SH3GLB2: variants seen among roughly 807,000 people sequenced by gnomAD.
SH3GLB2 encodes endophilin-B2.
Under a neutral mutation model 48.0 loss-of-function variants are expected in SH3GLB2, and 24 were observed. The ratio of observed to expected loss-of-function variants is 0.50; its 90% CI spans 0.36 to 0.70. The LOEUF (loss-of-function observed/expected upper bound fraction) is 0.70, where lower values mean the gene tolerates loss of function less well. Ranked by LOEUF, SH3GLB2 falls within the 30% of genes least tolerant of loss-of-function variation. SH3GLB2 has a pLI of 0.00. For missense variants in SH3GLB2, 425 were observed against 516.0 expected (o/e 0.82, Z 1.71); for synonymous variants, 227 against 207.6 (o/e 1.09, Z -0.80).
rs201553877 is a variant in SH3GLB2, at chr9:129,020,940, ACT to A, written c.334+149_334+150del. The A allele has an allele frequency of 1.2e-3, 1,210 of 979,446 alleles. 8 individuals carry two copies. In the East Asian group the frequency reaches 0.014, roughly 11 times the overall value. The allele number at this position is 979,446 out of a possible 1,614,324, so 60.7% of individuals were successfully genotyped here. On this transcript the variant is annotated intron_variant, in intron 3 of 10. Coordinates refer to ENST00000372564, the MANE Select transcript of SH3GLB2 (RefSeq NM_020145.4). ...TGGTTAAGAGAAGATTCCATTTTTT[ACT>A]CTTTTTTTCTGCGTAGAGTTTTTAC...
intron 3 of SH3GLB2, among the ~76,000 whole-genome samples, chr9:129,017,085 C>G (rs920747964): frequency 4.6e-5 from 7 of 151,424 alleles, no homozygotes; most frequent in African/African-American, 1.7e-4. Context: ...GTAGCTGGGA[C>G]TATAGGCGCG....
In SH3GLB2 at chr9:129,007,407, C is replaced by T. The variant is rs1222858871; in HGVS notation, c.*1277G>A. 6.6e-6 allele frequency: 1 copy of T among 152,232 alleles called. No individual in the cohort carries two copies. Among genetic ancestry groups the T allele is most frequent in the Non-Finnish European group, 1.5e-5 (1 of 68,086 alleles). The allele number at this position is 152,232 out of a possible 1,614,324, so 9.4% of individuals were successfully genotyped here. ...AGCTCTGTGCCTTCCTATTTATAGC[C>T]CCGTGCCCCCGTCATCCCCCGATCC... On this transcript the variant is annotated 3_prime_UTR_variant, in exon 11 of 11. Coordinates refer to ENST00000372564, the MANE Select transcript of SH3GLB2 (RefSeq NM_020145.4).
At position 129,009,832 on chromosome 9, in the gene SH3GLB2, G is replaced by A. The variant is rs1162446330; in HGVS notation, c.778C>T (p.Gln260Ter). The A allele has an allele frequency of 6.2e-7, 1 of 1,613,954 alleles. No homozygotes were observed. Among genetic ancestry groups the A allele is most frequent in the Non-Finnish European group, 8.5e-7 (1 of 1,179,986 alleles). The change falls in exon 9 of 11, where the codon CAG becomes TAG. Residue 260 changes from glutamine (Q) to a stop codon, truncating the protein, a stop_gained. Coordinates refer to ENST00000372564, the MANE Select transcript of SH3GLB2 (RefSeq NM_020145.4). LOFTEE classifies it high-confidence loss of function. ...LRCLHEFVKSQTTYYAQCYRH... is the reference protein window; with the variant it reads ...LRCLHEFVKS ...TAGCACTGTGCGTAGTAGGTTGTCT[G>A]AGACTTGACGAACTCGTGGAGGCAG...
chr9:129,013,077 C>A (rs1843217762), intron 5 of SH3GLB2: 1 of 1,548,426 alleles, frequency 6.5e-7, no homozygotes. Flanking sequence ...GTTAGTGAGT[C>A]CACAGCGCAG....
intron 3 of SH3GLB2, among the ~76,000 whole-genome samples, chr9:129,017,956 G>T (rs1280480779): frequency 1.3e-5 from 2 of 149,532 alleles, no homozygotes; most frequent in Middle Eastern, 3.5e-3. Flanking sequence ...GTGATGGTGC[G>T]TGCCTGTAAT....
chr9:129,010,641 C>G lies in SH3GLB2; in HGVS notation c.648+29G>C, dbSNP rs758942258. ...CTGCACCCCGCCACCCCTTCTTCCTCGAGCCCAGCCCCCCAGGCCCCAACT... is the reference window on the plus strand; with the variant it reads ...CTGCACCCCGCCACCCCTTCTTCCTGGAGCCCAGCCCCCCAGGCCCCAACT... On this transcript the variant is annotated intron_variant, in intron 7 of 10. Coordinates refer to ENST00000372564, the MANE Select transcript of SH3GLB2 (RefSeq NM_020145.4). 3.1e-6 allele frequency: 5 copies of G among 1,613,376 alleles called. No individual in the cohort carries two copies. In the Middle Eastern group the frequency reaches 6.6e-4, roughly 212 times the overall value.
At position 129,010,171 on chromosome 9, in the gene SH3GLB2, G is replaced by A; in HGVS notation, c.687C>T (p.Asp229=). The change falls in exon 8 of 11, where the codon GAC becomes GAT. Residue 229 remains aspartate, a synonymous_variant. Coordinates refer to ENST00000372564, the MANE Select transcript of SH3GLB2 (RefSeq NM_020145.4). ...QELRVAQTEF[D]RQAEVTRLLL... ...AGAGACGGGTCACTTCTGCTTGCCG[G>A]TCAAACTCTGTCTGGGCCACGCGGA... The A allele has an allele frequency of 1.2e-6, 2 of 1,614,036 alleles. No individual in the cohort carries two copies. Among genetic ancestry groups the A allele is most frequent in the Non-Finnish European group, 1.7e-6 (2 of 1,180,006 alleles).
At chr9:129,010,765 C>T (rs1843071921) in intron 6 of SH3GLB2, 72 bp from the exon 7 acceptor site, 2 of 1,583,326 alleles carry the variant, frequency 1.3e-6, no homozygotes, top group African/African-American at 1.3e-5. Context: ...GAGCCTGTGC[C>T]CTGCCCCAGC....
At position 129,009,356 on chromosome 9, in the gene SH3GLB2, A is replaced by C. The variant is rs1564574367; in HGVS notation, c.840-10T>G. On this transcript the variant is annotated splice_polypyrimidine_tract_variant and intron_variant, in intron 9 of 10. Transcript: ENST00000372564. Reference sequence around the variant, plus strand: ...GAAGGTGCCGGGAAATCTGGAGAGGAGGGATACATCTTAGCAGGTGGGAGT... The same window carrying C: ...GAAGGTGCCGGGAAATCTGGAGAGGCGGGATACATCTTAGCAGGTGGGAGT... 6.5e-7 allele frequency: 1 copy of C among 1,550,240 alleles called. No individual in the cohort carries two copies. The highest frequency in any genetic ancestry group is 2.0e-5 in the Admixed American group (1 of 50,910).
intron 8 of SH3GLB2, 88 bp from the exon 9 acceptor site, chr9:129,009,959 T>C: frequency 7.0e-7 from 1 of 1,418,794 alleles, no homozygotes; most frequent in Non-Finnish European, 9.8e-7. Context: ...TACCAGACCT[T>C]GCTCCGGCAT....
At chr9:129,026,557 C>G (rs551135119) in intron 1 of SH3GLB2, among the ~76,000 whole-genome samples, 8 of 152,170 alleles carry the variant, frequency 5.3e-5, no homozygotes, top group African/African-American at 1.9e-4. Context: ...CCTCCCACCC[C>G]GAGGCTGGGG....
Position 129,009,598 on chromosome 9 carries a change from G to A in SH3GLB2, c.839+173C>T, listed in dbSNP as rs529835258. 171 of 1,482,414 alleles carry A rather than the reference G, an allele frequency of 1.2e-4. No homozygotes were observed. The African/African-American group carries it at 2.1e-3, about 19-fold the overall frequency. The allele number at this position is 1,482,414 out of a possible 1,614,324, so 91.8% of individuals were successfully genotyped here. ...CTCCAGGGGACTTGGCCGTCAGTAA[G>A]GCCAGCCACTCCACCCTCATACACA... is the stretch of plus-strand genomic sequence containing the variant. On this transcript the variant is annotated intron_variant, in intron 9 of 10. Transcript: ENST00000372564.
At chr9:129,010,940 C>A in intron 6 of SH3GLB2, 2 of 568,714 alleles carry the variant, frequency 3.5e-6, no homozygotes, top group Non-Finnish European at 3.2e-6. Context: ...TTATATTTCT[C>A]CTACAGTGTC....
chr9:129,016,450 G>A (rs1843431279), intron 3 of SH3GLB2, among the ~76,000 whole-genome samples: 1 of 150,954 alleles, frequency 6.6e-6, no homozygotes, highest in Admixed American at 6.6e-5. Flanking sequence ...CATGAGGTCA[G>A]GAGTTCAAGA....
At chr9:129,018,956 T>C (rs1843617357) in intron 3 of SH3GLB2, among the ~76,000 whole-genome samples, 1 of 151,770 alleles carries the variant, frequency 6.6e-6, no homozygotes, top group Non-Finnish European at 1.5e-5. Flanking sequence ...TGTCATATGA[T>C]TCCATTTATA....
chr9:129,026,403 C>A (rs1455962890), intron 1 of SH3GLB2, among the ~76,000 whole-genome samples: 1 of 152,242 alleles, frequency 6.6e-6, no homozygotes, highest in Non-Finnish European at 1.5e-5. Flanking sequence ...GCCTCTCTAT[C>A]CCCTGGCCTG....
chr9:129,009,019 C>G, intron 10 of SH3GLB2, 87 bp downstream of exon 10: 1 of 1,573,116 alleles, frequency 6.4e-7, no homozygotes, highest in Non-Finnish European at 8.6e-7. Context: ...CCAACAGGGC[C>G]CCTCCAGGCC....
Position 129,009,280 on chromosome 9 carries a change from G to C in SH3GLB2, c.906C>G (p.Thr302=), listed in dbSNP as rs1309019543. The C allele has an allele frequency of 1.3e-6, 2 of 1,561,126 alleles. No individual in the cohort carries two copies. Among genetic ancestry groups the C allele is most frequent in the East Asian group, 2.3e-5 (1 of 42,596 alleles). ...CCACAGGCATAGTGGCCGCAGCAGT[G>C]GTGGGTGAGGTGCTGCTCAGGGGTG... The part of the protein sequence containing the change: ...ASPPLSSTSP[T]TAAATMPVVP... The change falls in exon 10 of 11, where the codon ACC becomes ACG. Residue 302 remains threonine, a synonymous_variant. Coordinates refer to ENST00000372564, the MANE Select transcript of SH3GLB2 (RefSeq NM_020145.4).
intron 3 of SH3GLB2, among the ~76,000 whole-genome samples, chr9:129,019,575 G>A (rs1843651564): frequency 6.6e-6 from 1 of 151,092 alleles, no homozygotes. Context: ...GAGTGGTGGT[G>A]GGCGTGTGCA....
Sources: allele counts gnomAD v4.1 joint callset (sites outside exome capture counted in the v4.1 genomes callset), GRCh38; gene constraint gnomAD v4.1.1; transcripts MANE v1.5; gene names NCBI Gene and HGNC (gene_info 2026-07-23, HGNC 2026-07-21).